Variants in PVT1 observed in about 807,000 individuals in gnomAD.
PVT1 encodes the protein Pvt1 oncogene.
intron 2 of PVT1, among the ~76,000 whole-genome samples, chr8:127,831,232 C>T (rs10282920): frequency 5.3e-5 from 8 of 150,866 alleles, no homozygotes; most frequent in African/African-American, 1.5e-4. Flanking sequence ...GCAGGAGGGC[C>T]GTTTGAGGTC....
chr8:127,994,006 C>A (rs997852494), intron 4 of PVT1, among the ~76,000 whole-genome samples: 31 of 152,158 alleles, frequency 2.0e-4, no homozygotes, highest in African/African-American at 6.0e-4. Context: ...TGCTTGAGAT[C>A]CCCCCTGCTC....
At chr8:128,003,376 C>G (rs1390142393) in intron 4 of PVT1, among the ~76,000 whole-genome samples, 1 of 149,458 alleles carries the variant, frequency 6.7e-6, no homozygotes, top group Non-Finnish European at 1.5e-5. Context: ...TTTTCTTCTT[C>G]TCTTTGTTGT....
At chr8:128,028,601 A>G (rs1312096012) in intron 4 of PVT1, among the ~76,000 whole-genome samples, 2 of 152,212 alleles carry the variant, frequency 1.3e-5, no homozygotes, top group Non-Finnish European at 2.9e-5. Context: ...CTAGGGACCT[A>G]TCTGCTTCAT....
At chr8:127,806,113 A>G (rs1205704588) in intron 2 of PVT1, among the ~76,000 whole-genome samples, 2 of 152,220 alleles carry the variant, frequency 1.3e-5, no homozygotes, top group East Asian at 3.8e-4. Flanking sequence ...CAACAAAAAG[A>G]CAAACAGCCT....
At chr8:128,049,985 G>C (rs987089795) in intron 4 of PVT1, among the ~76,000 whole-genome samples, 1 of 152,178 alleles carries the variant, frequency 6.6e-6, no homozygotes, top group Non-Finnish European at 1.5e-5. Context: ...GGGCTTCAGG[G>C]TGGGCAAGGA....
chr8:127,833,369 T>C (rs1459484757), intron 2 of PVT1, among the ~76,000 whole-genome samples: 1 of 152,168 alleles, frequency 6.6e-6, no homozygotes, highest in Admixed American at 6.6e-5. Flanking sequence ...TGCTCCTCTC[T>C]CCTGCCCTCT....
chr8:127,970,664 A>G (rs1041833725), intron 3 of PVT1, among the ~76,000 whole-genome samples: 4 of 152,116 alleles, frequency 2.6e-5, no homozygotes, highest in African/African-American at 9.7e-5. Flanking sequence ...GCCAGGGGGA[A>G]GACTTAGGAC....
intron 5 of PVT1, among the ~76,000 whole-genome samples, chr8:128,095,670 T>C (rs542923821): frequency 1.3e-5 from 2 of 152,342 alleles, no homozygotes; most frequent in South Asian, 4.1e-4. Flanking sequence ...GCCTAAAATA[T>C]ATATTGTCTG....
rs1816695192 is a variant in PVT1, at chr8:127,965,626, G to A, written n.783-23536G>A. Among the ~76,000 whole-genome samples, 3 of 152,226 alleles carry A rather than the reference G, an allele frequency of 2.0e-5. 1 individual carries two copies. The South Asian group carries it at 6.2e-4, about 32-fold the overall frequency. On this transcript the variant is annotated intron_variant and non_coding_transcript_variant, in intron 3 of 10. Transcript: ENST00000651587. Reference sequence around the variant, plus strand: ...TCCTTGTTCTCTCCACTCTGCCCTTGGATGTGTCAGTTGCAGGCACTTCAG... The same window carrying A: ...TCCTTGTTCTCTCCACTCTGCCCTTAGATGTGTCAGTTGCAGGCACTTCAG...
intron 2 of PVT1, among the ~76,000 whole-genome samples, chr8:127,844,770 G>T (rs970846911): frequency 1.3e-5 from 2 of 152,000 alleles, no homozygotes; most frequent in African/African-American, 4.8e-5. Flanking sequence ...CTGGAGTGCA[G>T]TGGCACGATC....
chr8:127,818,571 G>A (rs1369853392), intron 2 of PVT1, among the ~76,000 whole-genome samples: 2 of 152,166 alleles, frequency 1.3e-5, no homozygotes. Context: ...CAGATATTCG[G>A]TGAGAGACCA....
chr8:127,929,668 T>G (rs985696779), intron 3 of PVT1, among the ~76,000 whole-genome samples: 4 of 151,850 alleles, frequency 2.6e-5, no homozygotes, highest in Admixed American at 1.3e-4. Context: ...CTCGGGAGGC[T>G]GAGGCAGGAG....
intron 3 of PVT1, among the ~76,000 whole-genome samples, chr8:127,896,977 G>C (rs1192686522): frequency 6.6e-6 from 1 of 152,150 alleles, no homozygotes; most frequent in Non-Finnish European, 1.5e-5. Flanking sequence ...CCATGAAGCT[G>C]TCTCCTGGCT....
chr8:128,058,622 G>A (rs745370369), intron 4 of PVT1, among the ~76,000 whole-genome samples: 2 of 152,106 alleles, frequency 1.3e-5, no homozygotes, highest in African/African-American at 2.4e-5. Context: ...ATTCAACTTT[G>A]GCACTATTAT....
intron 2 of PVT1, among the ~76,000 whole-genome samples, chr8:127,829,581 A>G (rs954949928): frequency 6.6e-6 from 1 of 152,236 alleles, no homozygotes; most frequent in South Asian, 2.1e-4. Flanking sequence ...ATGTAAAGAA[A>G]GCGCTTTCTG....
chr8:128,010,711 T>C (rs977079251), intron 4 of PVT1: 2 of 152,230 alleles, frequency 1.3e-5, no homozygotes, highest in East Asian at 3.8e-4. Context: ...TTTGTTGTTT[T>C]ATAAGGTGTC....
chr8:127,911,408 C>T (rs1424661742), intron 3 of PVT1, among the ~76,000 whole-genome samples: 1 of 152,222 alleles, frequency 6.6e-6, no homozygotes, highest in Non-Finnish European at 1.5e-5. Context: ...GGCCGCCGGT[C>T]CCCGGCTGCC....
intron 2 of PVT1, among the ~76,000 whole-genome samples, chr8:127,847,154 C>G (rs1280098067): frequency 1.3e-5 from 2 of 151,798 alleles, no homozygotes; most frequent in Admixed American, 1.3e-4. Context: ...AGGCGCCCAC[C>G]ACCACACCTG....
At chr8:127,972,053 T>C (rs1279321916) in intron 3 of PVT1, among the ~76,000 whole-genome samples, 1 of 152,212 alleles carries the variant, frequency 6.6e-6, no homozygotes, top group Admixed American at 6.5e-5. Context: ...GCAAGGCATC[T>C]GGCCTCAGCC....
Sources: allele counts gnomAD v4.1 joint callset (sites outside exome capture counted in the v4.1 genomes callset), GRCh38; gene constraint gnomAD v4.1.1; transcripts MANE v1.5; gene names NCBI Gene and HGNC (gene_info 2026-07-23, HGNC 2026-07-21).